FXR2: variants seen among roughly 807,000 people sequenced by gnomAD.
FXR2 encodes the protein RNA-binding protein FXR2.
A neutral mutation model predicts 87.3 loss-of-function variants in FXR2; 9 were observed. The observed-to-expected ratio is 0.10, with a 90% CI of 0.06 to 0.18. The LOEUF (loss-of-function observed/expected upper bound fraction) is 0.18. Ranked by LOEUF, FXR2 falls within the 10% of genes least tolerant of loss-of-function variation. The pLI is 1.00. For synonymous variants in FXR2, 331 were observed against 328.3 expected, an observed-to-expected ratio of 1.01 and a Z score of -0.09; for missense variants, 661 against 893.6, an observed-to-expected ratio of 0.74 and a Z score of 3.32.
chr17:7,609,691 G>A (rs1481262527), intron 1 of FXR2, among the ~76,000 whole-genome samples: 1 of 151,560 alleles, frequency 6.6e-6, no homozygotes, highest in Non-Finnish European at 1.5e-5. Flanking sequence ...TCCCTTTTGG[G>A]TTCTTCCCTT....
chr17:7,596,086 T>G, intron 7 of FXR2, 92 bp from the exon 8 acceptor site: 1 of 963,196 alleles, frequency 1.0e-6, no homozygotes, highest in South Asian at 1.5e-5. Context: ...AGGAAAACTG[T>G]GTGATATTAA....
chr17:7,607,920 G>A lies in FXR2; in HGVS notation c.82-1771C>T, dbSNP rs528183332. Among the ~76,000 whole-genome samples the A allele has an allele frequency of 1.3e-3, 198 of 151,984 alleles. 1 individual carries two copies. The highest frequency in any genetic ancestry group is 4.5e-3 in the African/African-American group (188 of 41,442). ...AAGCAATTCTGCCTCAGCCTCCCAA[G>A]TAGCTGGGATTACAGGCATGGGCCA... On this transcript the variant is annotated intron_variant, in intron 1 of 16. Coordinates refer to ENST00000250113, the MANE Select transcript of FXR2 (RefSeq NM_004860.4).
rs767289581 is a variant in FXR2 at position 7,604,110 on chromosome 17, T to C, written c.229-30A>G. The C allele has an allele frequency of 1.3e-5, 19 of 1,497,544 alleles. No homozygotes were observed. In the South Asian group the frequency reaches 1.9e-4, roughly 15 times the overall value. 92.8% of individuals were successfully genotyped at this position (1,497,544 alleles called of 1,614,324 possible). On this transcript the variant is annotated intron_variant, in intron 3 of 16. Coordinates refer to ENST00000250113, the MANE Select transcript of FXR2 (RefSeq NM_004860.4). ...AGAAAAGTAGAGAATCAAAGAGATA[T>C]TGAAGACCACCCAAAAGCATCAAGA... is the stretch of plus-strand genomic sequence containing the variant.
In FXR2 at chr17:7,593,718, C is replaced by T. The variant is rs1347416466; in HGVS notation, c.1108-93G>A. The T allele has an allele frequency of 2.1e-6, 2 of 939,330 alleles. No individual in the cohort carries two copies. Among genetic ancestry groups the T allele is most frequent in the Non-Finnish European group, 3.3e-6 (2 of 604,454 alleles). The allele number at this position is 939,330 out of a possible 1,614,324, so 58.2% of individuals were successfully genotyped here. A position where few individuals can be genotyped will look rare whatever the true frequency, so the allele number is the denominator to read the frequency against. ...ACCCTGACTGTCCCTCTATATCTAA[C>T]CTCTCAGGAATGCAGGGAGAAGGAA... On this transcript the variant is annotated intron_variant, in intron 11 of 16. Transcript: ENST00000250113. The surrounding 1 kb of genome is among the most constrained non-coding windows in gnomAD (Gnocchi z 6.1).
rs2071659938 is a variant in FXR2, at chr17:7,591,538, A to C, written c.*292T>G. ...AGCACCCCCCACCAACAGGTGGAGAATGGGGGTGTTCAGAGAGAGATTGGG... is the reference window on the plus strand; with the variant it reads ...AGCACCCCCCACCAACAGGTGGAGACTGGGGGTGTTCAGAGAGAGATTGGG... On this transcript the variant is annotated 3_prime_UTR_variant, in exon 17 of 17. Transcript: ENST00000250113. The surrounding 1 kb of genome is among the most constrained non-coding windows in gnomAD (Gnocchi z 4.0). 5.3e-6 allele frequency: 2 copies of C among 379,688 alleles called. No homozygotes were observed. The highest frequency in any genetic ancestry group is 1.0e-5 in the Non-Finnish European group (2 of 200,652). The allele number at this position is 379,688 out of a possible 1,614,324, so 23.5% of individuals were successfully genotyped here.
At position 7,595,291 on chromosome 17, in the gene FXR2, T is replaced by G. The variant is rs1326677910; in HGVS notation, c.831+533A>C. Among the ~76,000 whole-genome samples the G allele has an allele frequency of 2.6e-5, 4 of 152,058 alleles. No homozygotes were observed. The highest frequency in any genetic ancestry group is 5.9e-5 in the Non-Finnish European group (4 of 68,012). ...ACAGAGATCTGGTCTATTTTTTTGA[T>G]TTTTTGGTCTCACTCTATTGACTAT... On this transcript the variant is annotated intron_variant, in intron 8 of 16. Transcript: ENST00000250113. This position sits in a 1 kb window ranked among gnomAD's most constrained non-coding sequence, Gnocchi z 4.7.
intron 3 of FXR2, 35 bp downstream of exon 3, chr17:7,605,610 G>T: frequency 9.3e-7 from 1 of 1,069,836 alleles, no homozygotes; most frequent in Non-Finnish European, 1.4e-6. Context: ...CTGGGGAAAA[G>T]TGACATTTAG....
At position 7,591,748 on chromosome 17, in the gene FXR2, A is replaced by C; in HGVS notation, c.*82T>G. On this transcript the variant is annotated 3_prime_UTR_variant, in exon 17 of 17. Transcript: ENST00000250113. The surrounding 1 kb of genome is among the most constrained non-coding windows in gnomAD (Gnocchi z 4.0). ...CTCCCCCCTAGATAAGAGCAGCTCCAGCGCAGGTCAGTTGGGCCTGTGAGG... is the reference window on the plus strand; with the variant it reads ...CTCCCCCCTAGATAAGAGCAGCTCCCGCGCAGGTCAGTTGGGCCTGTGAGG... 22 of 764,302 alleles carry C rather than the reference A, an allele frequency of 2.9e-5. No individual in the cohort carries two copies. Among genetic ancestry groups the C allele is most frequent in the East Asian group, 5.3e-5 (2 of 37,496 alleles). The allele number at this position is 764,302 out of a possible 1,614,324, so 47.3% of individuals were successfully genotyped here. A position where few individuals can be genotyped will look rare whatever the true frequency, so the allele number is the denominator to read the frequency against.
At chr17:7,608,802 T>A (rs760240541) in intron 1 of FXR2, among the ~76,000 whole-genome samples, 9 of 152,222 alleles carry the variant, frequency 5.9e-5, no homozygotes, top group Admixed American at 4.6e-4. Context: ...ATTGCAGTGA[T>A]GGACTCAGTT....
Position 7,595,283 on chromosome 17 carries a change from T to C in FXR2, c.832-526A>G, listed in dbSNP as rs2071698677. Among the ~76,000 whole-genome samples the C allele has an allele frequency of 6.6e-6, 1 of 152,044 alleles. No homozygotes were observed. Among genetic ancestry groups the C allele is most frequent in the African/African-American group, 2.4e-5 (1 of 41,396 alleles). On this transcript the variant is annotated intron_variant, in intron 8 of 16. Transcript: ENST00000250113. The surrounding 1 kb of genome is among the most constrained non-coding windows in gnomAD (Gnocchi z 4.7). ...CTTGGGCAACAGAGATCTGGTCTATTTTTTTGATTTTTTGGTCTCACTCTA... is the reference window on the plus strand; with the variant it reads ...CTTGGGCAACAGAGATCTGGTCTATCTTTTTGATTTTTTGGTCTCACTCTA...
At chr17:7,597,848 T>C (rs2071720808) in intron 7 of FXR2, among the ~76,000 whole-genome samples, 1 of 150,356 alleles carries the variant, frequency 6.7e-6, no homozygotes, top group African/African-American at 2.5e-5. Flanking sequence ...CCTCTAATCA[T>C]GAAGCCACCT....
intron 7 of FXR2, among the ~76,000 whole-genome samples, chr17:7,598,110 A>G (rs905286637): frequency 3.3e-5 from 5 of 151,940 alleles, no homozygotes; most frequent in African/African-American, 1.2e-4. Flanking sequence ...TCCTGCTTCC[A>G]TTCTTGCCCC....
chr17:7,591,733 G>A lies in FXR2; in HGVS notation c.*97C>T. 2.6e-6 allele frequency: 2 copies of A among 759,788 alleles called. No homozygotes were observed. The highest frequency in any genetic ancestry group is 2.0e-5 in the Admixed American group (1 of 50,440). The allele number at this position is 759,788 out of a possible 1,614,324, so 47.1% of individuals were successfully genotyped here. A position where few individuals can be genotyped will look rare whatever the true frequency, so the allele number is the denominator to read the frequency against. ...TGCTGTGCCACCCCCCTCCCCCCTAGATAAGAGCAGCTCCAGCGCAGGTCA... is the reference window on the plus strand; with the variant it reads ...TGCTGTGCCACCCCCCTCCCCCCTAAATAAGAGCAGCTCCAGCGCAGGTCA... On this transcript the variant is annotated 3_prime_UTR_variant, in exon 17 of 17. Coordinates refer to ENST00000250113, the MANE Select transcript of FXR2 (RefSeq NM_004860.4). The surrounding 1 kb of genome is among the most constrained non-coding windows in gnomAD (Gnocchi z 4.0).
rs754617544 is a variant in FXR2 at position 7,592,514 on chromosome 17, G to A, written c.1815C>T (p.Asp605=). The part of the protein sequence containing the change: ...GNRTDGSISG[D]RQPVTVADYI... The stretch of plus-strand genomic sequence containing the variant: ...CCAGAGTTGGCTGACCTGGCTGGCG[G>A]TCTCCACTGATAGAGCCATCAGTCC... The change falls in exon 15 of 17, where the codon GAC becomes GAT. Residue 605 remains aspartate (D), a synonymous_variant. Coordinates refer to ENST00000250113, the MANE Select transcript of FXR2 (RefSeq NM_004860.4). The surrounding 1 kb of genome is among the most constrained non-coding windows in gnomAD (Gnocchi z 4.8). 77 of 1,613,674 alleles carry A rather than the reference G, an allele frequency of 4.8e-5. No homozygotes were observed. The highest frequency in any genetic ancestry group is 5.3e-5 in the Non-Finnish European group (62 of 1,179,696).
rs762396903 is a variant in FXR2 at position 7,592,407 on chromosome 17, A to T, written c.1826-53T>A. ...CAGATGGAATTCTGGTAGCCAGCCTAAGACACCCACTGAACCCGAACCCCT... is the reference window on the plus strand; with the variant it reads ...CAGATGGAATTCTGGTAGCCAGCCTTAGACACCCACTGAACCCGAACCCCT... On this transcript the variant is annotated intron_variant, in intron 15 of 16. Transcript: ENST00000250113. This position sits in a 1 kb window ranked among gnomAD's most constrained non-coding sequence, Gnocchi z 4.8. The T allele has an allele frequency of 3.2e-6, 5 of 1,541,098 alleles. No individual in the cohort carries two copies. The Admixed American group carries it at 8.3e-5, about 26-fold the overall frequency.
rs528984923 is a variant in FXR2 at position 7,591,676 on chromosome 17, A to G, written c.*154T>C. 31 of 679,390 alleles carry G rather than the reference A, an allele frequency of 4.6e-5. No homozygotes were observed. Among genetic ancestry groups the G allele is most frequent in the Admixed American group, 4.4e-4 (21 of 47,236 alleles). The allele number at this position is 679,390 out of a possible 1,614,324, so 42.1% of individuals were successfully genotyped here. A position where few individuals can be genotyped will look rare whatever the true frequency, so the allele number is the denominator to read the frequency against. ...GTATGACCCTGTTACACACCCCTCC[A>G]CTAGCTCCTGGAGGTTGGGGGGTAC... On this transcript the variant is annotated 3_prime_UTR_variant, in exon 17 of 17. Coordinates refer to ENST00000250113, the MANE Select transcript of FXR2 (RefSeq NM_004860.4). The surrounding 1 kb of genome is among the most constrained non-coding windows in gnomAD (Gnocchi z 4.0).
chr17:7,610,065 CATATAT>C (rs199914980), intron 1 of FXR2, among the ~76,000 whole-genome samples: 1 of 115,314 alleles, frequency 8.7e-6, no homozygotes, highest in African/African-American at 3.6e-5. Context: ...CACACACACA[CATATAT>C]ATAAATTAGC....
At chr17:7,613,559 T>G (rs991509514) in intron 1 of FXR2, among the ~76,000 whole-genome samples, 1 of 152,198 alleles carries the variant, frequency 6.6e-6, no homozygotes, top group Non-Finnish European at 1.5e-5. Flanking sequence ...CAAAAAAGGT[T>G]GTCAGATTCC....
rs891294091 is a variant in FXR2, at chr17:7,593,202, T to C, written c.1331-21A>G. 2.0e-6 allele frequency: 3 copies of C among 1,495,596 alleles called. No individual in the cohort carries two copies. In the African/African-American group the frequency reaches 4.2e-5, roughly 21 times the overall value. The allele number at this position is 1,495,596 out of a possible 1,614,324, so 92.6% of individuals were successfully genotyped here. On this transcript the variant is annotated intron_variant, in intron 12 of 16. Coordinates refer to ENST00000250113, the MANE Select transcript of FXR2 (RefSeq NM_004860.4). The surrounding 1 kb of genome is among the most constrained non-coding windows in gnomAD (Gnocchi z 6.1). Reference sequence around the variant, plus strand: ...GGGGCCTGAAGAACACAATGGGATTTATTCACGGCCATTCATCCCACCTCA... The same window carrying C: ...GGGGCCTGAAGAACACAATGGGATTCATTCACGGCCATTCATCCCACCTCA...
Sources: allele counts gnomAD v4.1 joint callset (sites outside exome capture counted in the v4.1 genomes callset), GRCh38; gene constraint gnomAD v4.1.1; non-coding constraint Gnocchi (gnomAD v3.1); transcripts MANE v1.5; gene names NCBI Gene and HGNC (gene_info 2026-07-23, HGNC 2026-07-21).